Variants in RASA4B observed in about 807,000 individuals in gnomAD.
The protein encoded by RASA4B is ras GTPase-activating protein 4B.
RASA4B carries 2 observed loss-of-function variants against 24.2 expected under a neutral mutation model. That is an observed-to-expected ratio of 0.08 (90% CI 0.03 to 0.26). The LOEUF is 0.26. Among genes scored for constraint, RASA4B ranks in the 10% least tolerant of loss-of-function variants. The pLI is 1.00. For synonymous variants in RASA4B, 2 were observed against 125.6 expected (o/e 0.02, Z 6.58); for missense variants, 8 against 277.2 (o/e 0.03, Z 6.90).
At chr7:102,512,901 G>T in intron 1 of RASA4B, among the ~76,000 whole-genome samples, 1 of 144,720 alleles carries the variant, frequency 6.9e-6, no homozygotes, top group African/African-American at 2.5e-5. Flanking sequence ...AGAGGGGAAA[G>T]ACAGGGAGGG....
intron 8 of RASA4B, among the ~76,000 whole-genome samples, chr7:102,498,331 G>A (rs1799239045): frequency 2.0e-5 from 3 of 148,164 alleles, no homozygotes; most frequent in Non-Finnish European, 4.5e-5. Context: ...GCGCGATCTC[G>A]GCTCACTGCA....
intron 2 of RASA4B, among the ~76,000 whole-genome samples, chr7:102,511,563 G>C (rs1020943352): frequency 9.3e-5 from 9 of 96,524 alleles, no homozygotes; most frequent in African/African-American, 3.3e-4. Context: ...TCTGTAAATG[G>C]GGTCTAATGA....
chr7:102,498,344 C>T (rs1241376765), intron 8 of RASA4B, among the ~76,000 whole-genome samples: 2 of 147,712 alleles, frequency 1.4e-5, no homozygotes, highest in African/African-American at 4.9e-5. Flanking sequence ...TCACTGCAAC[C>T]TCCACCTCCC....
intron 5 of RASA4B, among the ~76,000 whole-genome samples, chr7:102,504,701 C>CAA (rs374923276): frequency 0.037 from 3,928 of 107,056 alleles, 10 homozygotes; most frequent in Admixed American, 0.038. Flanking sequence ...AAAAACCCAC[C>CAA]AAAAAAAAAA....
chr7:102,495,750 G>C, intron 11 of RASA4B, among the ~76,000 whole-genome samples: 1 of 96,342 alleles, frequency 1.0e-5, no homozygotes, highest in African/African-American at 3.5e-5. Context: ...GTCTAGCACG[G>C]GGCCCAGGCT....
chr7:102,508,636 A>AT (rs1799601774), intron 4 of RASA4B, among the ~76,000 whole-genome samples: 3 of 100,908 alleles, frequency 3.0e-5, no homozygotes, highest in African/African-American at 1.0e-4. Context: ...CGTCTAGCTA[A>AT]TTTTTTGTAT....
intron 10 of RASA4B, 93 bp from the exon 11 acceptor site, chr7:102,496,297 G>GC: frequency 6.8e-7 from 1 of 1,478,542 alleles, no homozygotes; most frequent in Non-Finnish European, 9.5e-7. Context: ...GATCTAAGCT[G>GC]GCCCCTCAAT....
intron 11 of RASA4B, among the ~76,000 whole-genome samples, chr7:102,495,763 A>G (rs1799092636): frequency 1.0e-5 from 1 of 97,136 alleles, no homozygotes; most frequent in Non-Finnish European, 2.2e-5. Flanking sequence ...CCCAGGCTAG[A>G]GTGCAGTGGC....
intron 16 of RASA4B, among the ~76,000 whole-genome samples, chr7:102,491,850 T>C (rs1798961989): frequency 1.3e-5 from 1 of 76,302 alleles, no homozygotes; most frequent in African/African-American, 3.0e-5. Context: ...GGAAGATGTA[T>C]AATAATCATC....
intron 16 of RASA4B, among the ~76,000 whole-genome samples, chr7:102,491,425 CTT>C (rs1334026573): frequency 2.9e-5 from 1 of 34,836 alleles, no homozygotes; most frequent in African/African-American, 4.0e-5. Context: ...GGCTTTGTGA[CTT>C]TGCATTTATT....
chr7:102,480,233 C>T lies in RASA4B; in HGVS notation c.*3359G>A, dbSNP rs1336219820. Among the ~76,000 whole-genome samples the T allele has an allele frequency of 6.6e-6, 1 of 152,166 alleles. No homozygotes were observed. The highest frequency in any genetic ancestry group is 2.4e-5 in the African/African-American group (1 of 41,460). On this transcript the variant is annotated 3_prime_UTR_variant, in exon 21 of 21. Coordinates refer to ENST00000465829, the MANE Select transcript of RASA4B (RefSeq NM_001367767.2). ...CTGTAGCGTTAGTGTCAAGGAAAAACACCCGCTACTTAGCAGACCAGGAAA... is the reference window on the plus strand; with the variant it reads ...CTGTAGCGTTAGTGTCAAGGAAAAATACCCGCTACTTAGCAGACCAGGAAA...
chr7:102,492,779 C>G (rs1172315691), intron 16 of RASA4B, among the ~76,000 whole-genome samples: 3 of 98,828 alleles, frequency 3.0e-5, no homozygotes, highest in Non-Finnish European at 7.8e-5. Context: ...ATTCCCGTGC[C>G]TCAGCCTCCC....
At chr7:102,513,206 G>A (rs1375384366) in intron 1 of RASA4B, among the ~76,000 whole-genome samples, 2 of 142,614 alleles carry the variant, frequency 1.4e-5, no homozygotes, top group African/African-American at 2.5e-5. Flanking sequence ...GGACGGGGAG[G>A]AAGGCCTCCC....
intron 8 of RASA4B, among the ~76,000 whole-genome samples, 168 bp from the exon 9 acceptor site, chr7:102,497,132 AT>A (rs1297706880): frequency 6.8e-6 from 1 of 146,962 alleles, no homozygotes; most frequent in African/African-American, 2.5e-5. Flanking sequence ...TGCCCGGGCT[AT>A]TTATTTTCTG....
chr7:102,512,618 A>AAGAG (rs1336872944), intron 1 of RASA4B, among the ~76,000 whole-genome samples: 6 of 404 alleles, frequency 0.015, no homozygotes, highest in Non-Finnish European at 0.024. Context: ...GGAGGAGAGT[A>AAGAG]GGAGGGGGAG....
At chr7:102,489,520 G>A (rs1210272525) in intron 17 of RASA4B, among the ~76,000 whole-genome samples, 22 of 141,308 alleles carry the variant, frequency 1.6e-4, no homozygotes, top group Admixed American at 5.1e-4. Flanking sequence ...TTGAGATGGA[G>A]TCTTGCTCTG....
chr7:102,512,390 G>C (rs377723117), intron 1 of RASA4B, among the ~76,000 whole-genome samples: 1,331 of 4,416 alleles, frequency 0.3, 6 homozygotes, highest in Middle Eastern at 0.5. Flanking sequence ...GACAGGGAGG[G>C]GAGAGAGAGG....
chr7:102,480,215 G>A lies in RASA4B; in HGVS notation c.*3377C>T, dbSNP rs371215085. On this transcript the variant is annotated 3_prime_UTR_variant, in exon 21 of 21. Transcript: ENST00000465829. ...AAGCCCACCGTGGTCTAGCTGTAGC[G>A]TTAGTGTCAAGGAAAAACACCCGCT... Among the ~76,000 whole-genome samples the A allele has an allele frequency of 3.9e-3, 597 of 152,252 alleles. 7 individuals are homozygous for A. The highest frequency in any genetic ancestry group is 0.013 in the African/African-American group (551 of 41,556).
intron 17 of RASA4B, among the ~76,000 whole-genome samples, chr7:102,489,554 T>A (rs1257875797): frequency 6.9e-6 from 1 of 145,176 alleles, no homozygotes; most frequent in Non-Finnish European, 1.5e-5. Context: ...GTGCAGTGGC[T>A]CGATCTCAGC....
Sources: gnomAD v4.1 joint callset for allele counts (sites outside exome capture counted in the v4.1 genomes callset) on GRCh38, gnomAD v4.1.1 for gene constraint, MANE v1.5 for transcripts, NCBI Gene and HGNC (gene_info 2026-07-23, HGNC 2026-07-21) for gene names.